EVI5: variants seen among roughly 807,000 people sequenced by gnomAD.
EVI5 encodes the protein ecotropic viral integration site 5.
Under a neutral mutation model 112.0 loss-of-function variants are expected in EVI5, and 73 were observed. The observed-to-expected ratio is 0.65, with a 90% CI of 0.54 to 0.79. EVI5 has a LOEUF of 0.79. Ranked by LOEUF, EVI5 falls within the 30% of genes least tolerant of loss-of-function variation. The probability of loss-of-function intolerance (pLI) is 0.00; values close to 1 mark genes in which losing one functional copy is unlikely to be tolerated. For missense variants in EVI5, 900 were observed against 968.8 expected (o/e 0.93, Z 0.94); for synonymous variants, 305 against 319.9 (o/e 0.95, Z 0.50).
chr1:92,726,865 T>A (rs1011246372), intron 2 of EVI5, among the ~76,000 whole-genome samples: 3 of 152,136 alleles, frequency 2.0e-5, no homozygotes, highest in Non-Finnish European at 4.4e-5. Flanking sequence ...GTCAGACTGA[T>A]AAGTTAAAGA....
chr1:92,781,175 AT>A (rs1172703808), intron 1 of EVI5, among the ~76,000 whole-genome samples: 2 of 152,164 alleles, frequency 1.3e-5, no homozygotes, highest in East Asian at 3.9e-4. Context: ...GACCCCTGCG[AT>A]TCATCAAGAA....
intron 2 of EVI5, 70 bp downstream of exon 2, chr1:92,736,328 C>T (rs1360628835): frequency 5.1e-6 from 5 of 979,154 alleles, no homozygotes; most frequent in Admixed American, 5.3e-5. Flanking sequence ...AAAAAAAATT[C>T]TAGTGTAAGT....
At chr1:92,554,634 G>C (rs1667425858) in intron 19 of EVI5, among the ~76,000 whole-genome samples, 1 of 152,074 alleles carries the variant, frequency 6.6e-6, no homozygotes, top group Non-Finnish European at 1.5e-5. Context: ...GAACATATAA[G>C]AGGAAAAGGA....
At position 92,636,227 on chromosome 1, in the gene EVI5, T is replaced by C; in HGVS notation, c.1502A>G (p.Gln501Arg). The C allele has an allele frequency of 6.2e-7, 1 of 1,613,532 alleles. No individual in the cohort carries two copies. Among genetic ancestry groups the C allele is most frequent in the African/African-American group, 1.3e-5 (1 of 75,056 alleles). The change falls in exon 14 of 20, where the codon CAG becomes CGG. Residue 501 changes from glutamine (Q) to arginine (R), a missense_variant. Coordinates refer to ENST00000684568, the MANE Select transcript of EVI5 (RefSeq NM_001350197.2). ...CTTCTCTATATCCAAGACTTTATCC[T>C]GCATCTCTTTTAATGCACACTGAGA... ...AESQCALKEM[Q>R]DKVLDIEKRN...
chr1:92,677,635 T>C (rs189045921), intron 9 of EVI5, among the ~76,000 whole-genome samples: 12 of 152,298 alleles, frequency 7.9e-5, no homozygotes, highest in Non-Finnish European at 1.5e-4. Flanking sequence ...GGGACAACTC[T>C]TCCTTATAGA....
chr1:92,668,592 T>C (rs1665318759), intron 10 of EVI5, among the ~76,000 whole-genome samples: 2 of 152,218 alleles, frequency 1.3e-5, no homozygotes, highest in African/African-American at 4.8e-5. Context: ...CAACCCCTTT[T>C]ACGGCTTCTG....
intron 1 of EVI5, among the ~76,000 whole-genome samples, chr1:92,770,594 T>A (rs940326804): frequency 1.4e-4 from 22 of 151,912 alleles, no homozygotes; most frequent in Admixed American, 1.3e-4. Context: ...ATCAAGACCA[T>A]CCTGGCTAAC....
chr1:92,710,219 C>T (rs954552043), intron 2 of EVI5, among the ~76,000 whole-genome samples: 1 of 151,804 alleles, frequency 6.6e-6, no homozygotes, highest in Non-Finnish European at 1.5e-5. Context: ...TAGTGCACAC[C>T]TATAGTCTCA....
chr1:92,765,534 A>C lies in EVI5; in HGVS notation c.-82+19302T>G, dbSNP rs1264517702. On this transcript the variant is annotated intron_variant, in intron 1 of 19. Coordinates refer to ENST00000684568, the MANE Select transcript of EVI5 (RefSeq NM_001350197.2). ...GACACATATTTTTCTGATTAAAAAAAAAAAAGACCCAGAAAAGTTATAAAC... is the reference window on the plus strand; with the variant it reads ...GACACATATTTTTCTGATTAAAAAACAAAAAGACCCAGAAAAGTTATAAAC... Among the ~76,000 whole-genome samples the C allele has an allele frequency of 2.6e-5, 4 of 151,864 alleles. 1 individual carries two copies. The South Asian group carries it at 8.3e-4, about 32-fold the overall frequency.
chr1:92,709,264 G>C (rs1347837880), intron 2 of EVI5, among the ~76,000 whole-genome samples: 2 of 151,966 alleles, frequency 1.3e-5, no homozygotes, highest in African/African-American at 4.8e-5. Context: ...ATAGGTATGT[G>C]GGTTATACAT....
At chr1:92,726,577 A>G (rs6604013) in intron 2 of EVI5, among the ~76,000 whole-genome samples, 87,500 of 152,064 alleles carry the variant, frequency 0.58, 26,964 homozygotes, top group East Asian at 0.92. Context: ...AAAGTATTTC[A>G]AGAAGGAAAT....
At chr1:92,735,457 C>G (rs527327111) in intron 2 of EVI5, among the ~76,000 whole-genome samples, 4 of 151,750 alleles carry the variant, frequency 2.6e-5, no homozygotes, top group South Asian at 2.1e-4. Context: ...TCAAATTGTA[C>G]AGTTTACGCA....
chr1:92,692,589 C>G (rs1669667779), intron 9 of EVI5, among the ~76,000 whole-genome samples: 2 of 152,178 alleles, frequency 1.3e-5, no homozygotes, highest in Non-Finnish European at 2.9e-5. Context: ...TAAGGTATCA[C>G]TATGTTACCT....
chr1:92,756,708 C>T lies in EVI5; in HGVS notation c.-81-20081G>A. The T allele has an allele frequency of 8.2e-6, 4 of 487,980 alleles. 1 individual carries two copies. The highest frequency in any genetic ancestry group is 4.8e-5 in the South Asian group (3 of 62,180). 30.2% of individuals were successfully genotyped at this position (487,980 alleles called of 1,614,324 possible). Reference sequence around the variant, plus strand: ...AGTCACATAGACCTCACCGCTGTATCGCCATCCTACATCAACCAAGCTGTT... The same window carrying T: ...AGTCACATAGACCTCACCGCTGTATTGCCATCCTACATCAACCAAGCTGTT... On this transcript the variant is annotated intron_variant, in intron 1 of 19. Coordinates refer to ENST00000684568, the MANE Select transcript of EVI5 (RefSeq NM_001350197.2).
intron 19 of EVI5, among the ~76,000 whole-genome samples, chr1:92,551,288 T>C (rs1236623952): frequency 6.6e-6 from 1 of 151,640 alleles, no homozygotes; most frequent in Non-Finnish European, 1.5e-5. Context: ...CTGCCTTCCC[T>C]AAGTGCTGGG....
chr1:92,700,044 C>T (rs571683843), intron 5 of EVI5, among the ~76,000 whole-genome samples: 1 of 152,210 alleles, frequency 6.6e-6, no homozygotes, highest in East Asian at 1.9e-4. Flanking sequence ...AAAAGTATCA[C>T]TAGGTCCTTC....
chr1:92,563,821 C>T, intron 18 of EVI5, 84 bp from the exon 19 acceptor site: 5 of 724,450 alleles, frequency 6.9e-6, no homozygotes, highest in Admixed American at 4.0e-5. Context: ...ATAGGAAAAG[C>T]ATAGGCACAT....
At chr1:92,771,555 C>T (rs1683405945) in intron 1 of EVI5, among the ~76,000 whole-genome samples, 1 of 152,008 alleles carries the variant, frequency 6.6e-6, no homozygotes, top group African/African-American at 2.4e-5. Flanking sequence ...AATCCATAAG[C>T]TTATCTACCT....
At chr1:92,713,187 A>T (rs1673098757) in intron 2 of EVI5, among the ~76,000 whole-genome samples, 1 of 151,972 alleles carries the variant, frequency 6.6e-6, no homozygotes, top group East Asian at 1.9e-4. Context: ...CTCTTTTTCA[A>T]ATCAAGTTTT....
Sources: allele counts gnomAD v4.1 joint callset (sites outside exome capture counted in the v4.1 genomes callset), GRCh38; gene constraint gnomAD v4.1.1; transcripts MANE v1.5; gene names NCBI Gene and HGNC (gene_info 2026-07-23, HGNC 2026-07-21).